The following THEMIS variants were observed in gnomAD, a reference collection of about 807,000 sequenced individuals.
The protein encoded by THEMIS is thymocyte selection associated.
In THEMIS, 37 loss-of-function variants were observed where a neutral mutation model predicts 52.6. That is an observed-to-expected ratio of 0.70 (90% CI 0.54 to 0.93). The LOEUF (loss-of-function observed/expected upper bound fraction) is 0.93. THEMIS is among the 40% of genes least tolerant of loss of function. The pLI is 0.00. For synonymous variants in THEMIS, 292 were observed against 272.7 expected (o/e 1.07, Z -0.70); for missense variants, 808 against 763.1 (o/e 1.06, Z -0.69).
At chr6:127,698,724 A>G in the THEMIS span, among the ~76,000 whole-genome samples, 1 of 151,992 alleles carries the variant, frequency 6.6e-6, no homozygotes, top group Non-Finnish European at 1.5e-5. Context: ...ATACAACAAA[A>G]TTCCTAATGG....
intron 4 of THEMIS, among the ~76,000 whole-genome samples, chr6:127,810,695 A>T (rs747399072): frequency 1.3e-5 from 2 of 152,180 alleles, no homozygotes; most frequent in African/African-American, 2.4e-5. Flanking sequence ...TAGCGCAAAC[A>T]GATACCCTCC....
upstream of THEMIS, among the ~76,000 whole-genome samples, chr6:127,905,129 A>G (rs117050998): frequency 1.0e-3 from 158 of 152,168 alleles, 2 homozygotes; most frequent in East Asian, 0.028. Flanking sequence ...AAAGGCATCA[A>G]TCCATAGATT....
chr6:127,768,973 C>G (rs887897232), intron 4 of THEMIS, among the ~76,000 whole-genome samples: 7 of 152,166 alleles, frequency 4.6e-5, no homozygotes, highest in African/African-American at 1.4e-4. Context: ...TGAGCTTAAT[C>G]TAAAATGCAA....
chr6:127,731,125 C>T (rs1029554226), intron 4 of THEMIS, among the ~76,000 whole-genome samples: 1 of 152,148 alleles, frequency 6.6e-6, no homozygotes, highest in Non-Finnish European at 1.5e-5. Context: ...TTCTTTGCTG[C>T]AATAACATTT....
intron 4 of THEMIS, among the ~76,000 whole-genome samples, chr6:127,734,818 G>A (rs1365770866): frequency 4.6e-5 from 6 of 129,144 alleles, no homozygotes; most frequent in East Asian, 2.4e-4. Flanking sequence ...GCAATGAGCC[G>A]AGATTACACC....
intron 1 of THEMIS, among the ~76,000 whole-genome samples, chr6:127,868,220 C>A (rs1208655582): frequency 2.0e-5 from 3 of 152,052 alleles, no homozygotes; most frequent in Non-Finnish European, 2.9e-5. Context: ...TAATAAATAT[C>A]AACTATTATT....
intron 4 of THEMIS, among the ~76,000 whole-genome samples, chr6:127,742,277 T>A (rs1382381860): frequency 2.1e-5 from 3 of 144,994 alleles, no homozygotes; most frequent in Non-Finnish European, 3.0e-5. Context: ...ATCATGCCAC[T>A]GCACTCCAGC....
intron 3 of THEMIS, among the ~76,000 whole-genome samples, chr6:127,825,954 T>C (rs1390595501): frequency 1.3e-5 from 2 of 152,188 alleles, no homozygotes; most frequent in Admixed American, 1.3e-4. Context: ...ACCACTTGGT[T>C]GAGCAGTGAA....
chr6:127,765,936 A>G (rs1376948318), intron 4 of THEMIS, among the ~76,000 whole-genome samples: 1 of 152,128 alleles, frequency 6.6e-6, no homozygotes, highest in African/African-American at 2.4e-5. Flanking sequence ...TAGTTGATCA[A>G]TACAACATTC....
At chr6:127,716,406 G>GA (rs897129809) in intron 5 of THEMIS, among the ~76,000 whole-genome samples, 20 of 151,776 alleles carry the variant, frequency 1.3e-4, no homozygotes, top group African/African-American at 4.6e-4. Context: ...GCCCTTGGCT[G>GA]AAAAAAAGCC....
intron 4 of THEMIS, among the ~76,000 whole-genome samples, chr6:127,794,181 A>G (rs193288547): frequency 6.6e-6 from 1 of 152,208 alleles, no homozygotes; most frequent in African/African-American, 2.4e-5. Flanking sequence ...ATTTCTTATT[A>G]TCTCCATTGC....
chr6:127,781,910 G>A (rs1228462144), intron 4 of THEMIS, among the ~76,000 whole-genome samples: 2 of 152,194 alleles, frequency 1.3e-5, no homozygotes, highest in African/African-American at 2.4e-5. Context: ...TCCCTTAGCA[G>A]AGCTGAAGCA....
chr6:127,888,060 C>T (rs1780698811), intron 1 of THEMIS, among the ~76,000 whole-genome samples: 1 of 151,972 alleles, frequency 6.6e-6, no homozygotes, highest in African/African-American at 2.4e-5. Context: ...GGGAGTTAGT[C>T]AAGTCGATGT....
At chr6:127,762,358 A>G (rs760560596) in intron 4 of THEMIS, among the ~76,000 whole-genome samples, 1 of 152,096 alleles carries the variant, frequency 6.6e-6, no homozygotes, top group Non-Finnish European at 1.5e-5. Context: ...ATTATATTGT[A>G]TAGGTAAAAA....
chr6:127,887,073 A>G (rs1199078987), intron 1 of THEMIS, among the ~76,000 whole-genome samples: 1 of 151,882 alleles, frequency 6.6e-6, no homozygotes, highest in Non-Finnish European at 1.5e-5. Flanking sequence ...AAGGCAACAT[A>G]AACAAAATGA....
At chr6:127,747,853 T>C (rs1775502793) in intron 4 of THEMIS, among the ~76,000 whole-genome samples, 1 of 152,110 alleles carries the variant, frequency 6.6e-6, no homozygotes, top group East Asian at 1.9e-4. Flanking sequence ...TTTTCTCCCA[T>C]TCTCTTTTAG....
At chr6:127,758,122 T>G (rs1775897315) in intron 4 of THEMIS, among the ~76,000 whole-genome samples, 1 of 150,936 alleles carries the variant, frequency 6.6e-6, no homozygotes, top group South Asian at 2.1e-4. Context: ...AAATTATACA[T>G]AAAATTAACA....
In THEMIS at chr6:127,764,784, T is replaced by G. The variant is rs374576949; in HGVS notation, c.1759-44961A>C. On this transcript the variant is annotated intron_variant, in intron 4 of 5. Coordinates refer to ENST00000368248, the MANE Select transcript of THEMIS (RefSeq NM_001010923.3). Reference sequence around the variant, plus strand: ...TTACTTAAAATATCTAGAAGTTATTTTAACTCTGCTTTTCCTGAAGATTAA... The same window carrying G: ...TTACTTAAAATATCTAGAAGTTATTGTAACTCTGCTTTTCCTGAAGATTAA... Among the ~76,000 whole-genome samples, 31 of 152,190 alleles carry G rather than the reference T, an allele frequency of 2.0e-4. 2 individuals carry two copies. The East Asian group carries it at 3.7e-3, about 18-fold the overall frequency.
chr6:127,862,838 G>C (rs774456555), intron 1 of THEMIS, among the ~76,000 whole-genome samples: 3 of 151,950 alleles, frequency 2.0e-5, no homozygotes, highest in Non-Finnish European at 4.4e-5. Context: ...AATCATACAA[G>C]GTATATTTTG....
Sources: allele counts gnomAD v4.1 joint callset (sites outside exome capture counted in the v4.1 genomes callset), GRCh38; gene constraint gnomAD v4.1.1; transcripts MANE v1.5; gene names NCBI Gene and HGNC (gene_info 2026-07-23, HGNC 2026-07-21).